The following SLC9A3 variants were observed in gnomAD, a reference collection of about 807,000 sequenced individuals.
SLC9A3 encodes solute carrier family 9 member A3.
Under a neutral mutation model 86.8 loss-of-function variants are expected in SLC9A3, and 37 were observed. The observed-to-expected ratio is 0.43, with a 90% CI of 0.33 to 0.56. The LOEUF (loss-of-function observed/expected upper bound fraction) is 0.56. Among genes scored for constraint, SLC9A3 ranks in the 20% least tolerant of loss-of-function variants. The pLI is 0.06. For synonymous variants in SLC9A3, 581 were observed against 528.3 expected (o/e 1.10, Z -1.37); for missense variants, 1,011 against 1,171.9 (o/e 0.86, Z 2.00).
rs1411037200 is a variant in SLC9A3, at chr5:502,856, GCGC to G, written c.212-10788_212-10786del. ...AAAGCCGCCGTAATGACACAGATGG[GCGC>G]TGTGTTCCAGTGAAACTTTACCACT... On this transcript the variant is annotated intron_variant, in intron 1 of 16. Transcript: ENST00000264938. Among the ~76,000 whole-genome samples the G allele has an allele frequency of 1.3e-3, 193 of 151,036 alleles. 1 individual carries two copies. Among genetic ancestry groups the G allele is most frequent in the Middle Eastern group, 3.4e-3 (1 of 294 alleles).
At position 470,959 on chromosome 5, in the gene SLC9A3, G is replaced by A. The variant is rs531405008; in HGVS notation, c.*2420C>T. The A allele has an allele frequency of 1.3e-5, 2 of 152,412 alleles. No homozygotes were observed. The highest frequency in any genetic ancestry group is 2.9e-5 in the Non-Finnish European group (2 of 68,028). 9.4% of individuals were successfully genotyped at this position (152,412 alleles called of 1,614,324 possible). ...TCTGTTTGACAGCAGTGACAGGAACGTGGGGATCCCCACTCATGACGAGTC... is the reference window on the plus strand; with the variant it reads ...TCTGTTTGACAGCAGTGACAGGAACATGGGGATCCCCACTCATGACGAGTC... On this transcript the variant is annotated 3_prime_UTR_variant, in exon 17 of 17. Coordinates refer to ENST00000264938, the MANE Select transcript of SLC9A3 (RefSeq NM_004174.4).
intron 9 of SLC9A3, 72 bp downstream of exon 9, chr5:481,493 G>T: frequency 7.8e-7 from 1 of 1,286,612 alleles, no homozygotes; most frequent in Non-Finnish European, 1.1e-6. Context: ...TGTGGCTTCT[G>T]GTTCTTCCGA....
intron 1 of SLC9A3, among the ~76,000 whole-genome samples, chr5:509,656 G>A (rs1740791451): frequency 6.6e-6 from 1 of 152,194 alleles, no homozygotes; most frequent in Admixed American, 6.5e-5. Context: ...CAAGCTTGCG[G>A]TTCCAGACTC....
At chr5:503,443 C>A (rs1394953539) in intron 1 of SLC9A3, among the ~76,000 whole-genome samples, 1 of 152,182 alleles carries the variant, frequency 6.6e-6, no homozygotes, top group Non-Finnish European at 1.5e-5. Flanking sequence ...GGGGCTGAGG[C>A]CAGAGGGTCC....
chr5:523,394 C>A (rs1733942141), intron 1 of SLC9A3, among the ~76,000 whole-genome samples: 1 of 152,052 alleles, frequency 6.6e-6, no homozygotes, highest in South Asian at 2.1e-4. Context: ...CCACTCGGGC[C>A]CCCTAATCCC....
intron 1 of SLC9A3, among the ~76,000 whole-genome samples, chr5:500,995 A>G (rs1312781360): frequency 6.9e-6 from 1 of 145,190 alleles, no homozygotes; most frequent in African/African-American, 2.6e-5. Context: ...CAAGGGGACA[A>G]ACCTGGGGAC....
chr5:519,414 A>C (rs551309724), intron 1 of SLC9A3, among the ~76,000 whole-genome samples: 1 of 152,324 alleles, frequency 6.6e-6, no homozygotes, highest in Admixed American at 6.5e-5. Flanking sequence ...TGCCTCCAGG[A>C]CCAGAGCACA....
intron 1 of SLC9A3, among the ~76,000 whole-genome samples, chr5:518,949 G>A (rs540345832): frequency 3.3e-5 from 5 of 152,128 alleles, no homozygotes; most frequent in East Asian, 3.9e-4. Context: ...TCCCTGCCCC[G>A]ATGCTATCAG....
chr5:488,776 T>G (rs112413997), intron 2 of SLC9A3, among the ~76,000 whole-genome samples: 55 of 152,226 alleles, frequency 3.6e-4, no homozygotes, highest in Non-Finnish European at 6.5e-4. Context: ...GGGCACCGCA[T>G]GCTGGGGAGG....
In SLC9A3 at chr5:470,659, ATT is replaced by A. The variant is rs1443031090; in HGVS notation, c.*2718_*2719del. The A allele has an allele frequency of 6.6e-6, 1 of 152,338 alleles. No homozygotes were observed. Among genetic ancestry groups the A allele is most frequent in the African/African-American group, 2.4e-5 (1 of 41,452 alleles). The allele number at this position is 152,338 out of a possible 1,614,324, so 9.4% of individuals were successfully genotyped here. A position where few individuals can be genotyped will look rare whatever the true frequency, so the allele number is the denominator to read the frequency against. On this transcript the variant is annotated 3_prime_UTR_variant, in exon 17 of 17. Coordinates refer to ENST00000264938, the MANE Select transcript of SLC9A3 (RefSeq NM_004174.4). ...TAGAATTACACGAAATTTGATTAAT[ATT>A]ATAGCTGCAAAATTAACATACACAA...
At chr5:503,982 C>T (rs1579810414) in intron 1 of SLC9A3, among the ~76,000 whole-genome samples, 1 of 152,070 alleles carries the variant, frequency 6.6e-6, no homozygotes, top group East Asian at 1.9e-4. Flanking sequence ...CCCACCCCCA[C>T]CTTCCTCACA....
intron 1 of SLC9A3, among the ~76,000 whole-genome samples, chr5:513,136 C>T (rs987957624): frequency 3.3e-5 from 5 of 152,054 alleles, no homozygotes; most frequent in African/African-American, 4.8e-5. Context: ...CTGTGAGCTG[C>T]GTGGTGTGGG....
At position 479,817 on chromosome 5, in the gene SLC9A3, GA is replaced by G. The variant is rs1739044158; in HGVS notation, c.1647+18del. On this transcript the variant is annotated intron_variant, in intron 10 of 16. Transcript: ENST00000264938. Reference sequence around the variant, plus strand: ...AGCCTGCTGCAGCCCCGACCCGGCAGAGCAAGCGGCTCTGCTACCTCAGCCA... The same window carrying G: ...AGCCTGCTGCAGCCCCGACCCGGCAGGCAAGCGGCTCTGCTACCTCAGCCA... 3 of 1,612,140 alleles carry G rather than the reference GA, an allele frequency of 1.9e-6. No homozygotes were observed. Among genetic ancestry groups the G allele is most frequent in the South Asian group, 2.2e-5 (2 of 91,062 alleles).
At chr5:523,729 A>T (rs2126664163) in intron 1 of SLC9A3, among the ~76,000 whole-genome samples, 1 of 152,192 alleles carries the variant, frequency 6.6e-6, no homozygotes, top group South Asian at 2.1e-4. Context: ...AAAAAACGCC[A>T]TCACTCCAAG....
intron 1 of SLC9A3, among the ~76,000 whole-genome samples, chr5:493,078 C>T (rs911943251): frequency 2.0e-5 from 3 of 151,752 alleles, no homozygotes; most frequent in African/African-American, 7.3e-5. Flanking sequence ...AGGCACCAAC[C>T]TATCTGGGCC....
At chr5:488,675 G>A (rs1739581955) in intron 2 of SLC9A3, among the ~76,000 whole-genome samples, 199 bp from the exon 3 acceptor site, 1 of 152,262 alleles carries the variant, frequency 6.6e-6, no homozygotes, top group South Asian at 2.1e-4. Flanking sequence ...TTCCGAGGGG[G>A]CCACCCCATC....
chr5:475,394 C>G, intron 15 of SLC9A3, 167 bp downstream of exon 15: 1 of 621,404 alleles, frequency 1.6e-6, no homozygotes, highest in Non-Finnish European at 2.8e-6. Context: ...CAGCAGCCTC[C>G]GAGTTGGTTG....
At chr5:513,298 G>T (rs1251521226) in intron 1 of SLC9A3, among the ~76,000 whole-genome samples, 8 of 152,284 alleles carry the variant, frequency 5.3e-5, no homozygotes, top group African/African-American at 1.9e-4. Context: ...GCAGTATCTG[G>T]GAGCTTCATT....
Position 524,201 on chromosome 5 carries a change from C to T in SLC9A3, c.122G>A (p.Gly41Asp), listed in dbSNP as rs1372002924. 1.0e-5 allele frequency: 16 copies of T among 1,535,214 alleles called. No individual in the cohort carries two copies. Among genetic ancestry groups the T allele is most frequent in the Non-Finnish European group, 1.4e-5 (16 of 1,143,888 alleles). The change falls in exon 1 of 17, where the codon GGC (glycine) becomes GAC (aspartate). Residue 41 changes from glycine (G) to aspartate (D), a missense_variant. Physicochemically the swap from Gly to Asp is moderately conservative, Grantham distance 94 (BLOSUM62 -1). Around this residue, in one of 3 missense-constraint regions of SLC9A3, gnomAD observed 565 missense variants for 790.0 expected, o/e 0.72. Transcript: ENST00000264938. ...CCACTCGAAGGTGACCACCTGGAAG[C>T]CCCCGCTCTCGCCGTGCGCGCCGCC... Reference protein sequence around the residue: ...EPGGAHGESGGFQVVTFEWAH... With the variant: ...EPGGAHGESGDFQVVTFEWAH...
Sources: allele counts gnomAD v4.1 joint callset (sites outside exome capture counted in the v4.1 genomes callset), GRCh38; gene constraint gnomAD v4.1.1; regional missense constraint gnomAD v4.1.1; transcripts MANE v1.5; gene names NCBI Gene and HGNC (gene_info 2026-07-23, HGNC 2026-07-21).